The following SYT13 variants were observed in gnomAD, a reference collection of about 807,000 sequenced individuals.
SYT13 encodes synaptotagmin 13.
SYT13 carries 21 observed loss-of-function variants against 38.6 expected under a neutral mutation model. The ratio of observed to expected loss-of-function variants is 0.54; its 90% CI spans 0.39 to 0.78. The LOEUF (loss-of-function observed/expected upper bound fraction) is 0.78. Among genes scored for constraint, SYT13 ranks in the 30% least tolerant of loss-of-function variants. The pLI is 0.00. For synonymous variants in SYT13, 241 were observed against 237.6 expected (o/e 1.01, Z -0.13); for missense variants, 495 against 548.7 (o/e 0.90, Z 0.98).
At chr11:45,276,387 A>T (rs1425102094) in intron 1 of SYT13, among the ~76,000 whole-genome samples, 1 of 152,206 alleles carries the variant, frequency 6.6e-6, no homozygotes, top group African/African-American at 2.4e-5. Context: ...AACAATGAGA[A>T]CACATGGACA....
chr11:45,277,037 T>G (rs1403787636), intron 1 of SYT13, among the ~76,000 whole-genome samples: 1 of 152,190 alleles, frequency 6.6e-6, no homozygotes, highest in African/African-American at 2.4e-5. Context: ...CAAAATGCCA[T>G]GTACCCATAC....
At position 45,242,408 on chromosome 11, in the gene SYT13, A is replaced by G. The variant is rs1250160322; in HGVS notation, c.*1644T>C. The G allele has an allele frequency of 2.0e-5, 3 of 152,146 alleles. No individual in the cohort carries two copies. Among genetic ancestry groups the G allele is most frequent in the African/African-American group, 7.2e-5 (3 of 41,414 alleles). The allele number at this position is 152,146 out of a possible 1,614,324, so 9.4% of individuals were successfully genotyped here. On this transcript the variant is annotated 3_prime_UTR_variant, in exon 6 of 6. Coordinates refer to ENST00000020926, the MANE Select transcript of SYT13 (RefSeq NM_020826.3). ...ACATGGTGAAACCCCATCTCTACTA[A>G]AAGTACAAAAATTAGCCAGGCATGT...
rs1854586370 is a variant in SYT13, at chr11:45,244,139, G to A, written c.1194C>T (p.His398=). 1 of 1,613,676 alleles carries A rather than the reference G, an allele frequency of 6.2e-7. No homozygotes were observed. The highest frequency in any genetic ancestry group is 8.5e-7 in the Non-Finnish European group (1 of 1,180,010). ...AGTGGCTGCGCTCAGAGCCCGAGGT[G>A]TGCAGGCCCAGGCTGCAGTGGCCAA... is the stretch of plus-strand genomic sequence containing the variant. ...CALGHCSLGL[H]TSGSERSHWE... Residue 398 remains histidine, a synonymous_variant, in exon 6 of 6, where the codon CAC becomes CAT. Coordinates refer to ENST00000020926, the MANE Select transcript of SYT13 (RefSeq NM_020826.3).
At chr11:45,279,132 C>T (rs889287317) in intron 1 of SYT13, among the ~76,000 whole-genome samples, 3 of 152,320 alleles carry the variant, frequency 2.0e-5, no homozygotes, top group East Asian at 1.9e-4. Flanking sequence ...TCAACCTAGT[C>T]GTCAAAAGTG....
At chr11:45,253,871 A>G (rs79611479) in intron 3 of SYT13, 1,599 of 154,706 alleles carry the variant, frequency 0.01, 32 homozygotes, top group African/African-American at 0.036. Context: ...GCTACGGCCA[A>G]TGGGATGCAA....
rs547391566 is a variant in SYT13, at chr11:45,254,187, G to T, written c.544+83C>A. Reference sequence around the variant, plus strand: ...TCCTAATCCAGTGCTCTCTCCAGCTGCAGATGATCCCATCCTGCCTGCACA... The same window carrying T: ...TCCTAATCCAGTGCTCTCTCCAGCTTCAGATGATCCCATCCTGCCTGCACA... On this transcript the variant is annotated intron_variant, in intron 3 of 5. Coordinates refer to ENST00000020926, the MANE Select transcript of SYT13 (RefSeq NM_020826.3). 31 of 1,466,968 alleles carry T rather than the reference G, an allele frequency of 2.1e-5. No individual in the cohort carries two copies. The South Asian group carries it at 2.3e-4, about 11-fold the overall frequency. 90.9% of individuals were successfully genotyped at this position (1,466,968 alleles called of 1,614,324 possible). A position where few individuals can be genotyped will look rare whatever the true frequency, so the allele number is the denominator to read the frequency against.
chr11:45,285,275 G>A (rs1157293080), intron 1 of SYT13, among the ~76,000 whole-genome samples: 3 of 152,224 alleles, frequency 2.0e-5, no homozygotes, highest in Non-Finnish European at 4.4e-5. Context: ...GGGAGCACGG[G>A]CTATTTCCTG....
chr11:45,254,995 A>T (rs1854726597), intron 2 of SYT13, among the ~76,000 whole-genome samples: 1 of 152,074 alleles, frequency 6.6e-6, no homozygotes, highest in Non-Finnish European at 1.5e-5. Flanking sequence ...ATGCACCTGT[A>T]GTCCTAGGTA....
At chr11:45,275,038 T>C (rs1330145888) in intron 1 of SYT13, among the ~76,000 whole-genome samples, 1 of 152,134 alleles carries the variant, frequency 6.6e-6, no homozygotes, top group Non-Finnish European at 1.5e-5. Context: ...AAGGCAAGCA[T>C]AGAGATCCTT....
At chr11:45,273,822 T>C (rs1854978880) in intron 1 of SYT13, among the ~76,000 whole-genome samples, 1 of 152,262 alleles carries the variant, frequency 6.6e-6, no homozygotes, top group African/African-American at 2.4e-5. Flanking sequence ...ATACTGTTAA[T>C]GAATTTTTTC....
intron 4 of SYT13, among the ~76,000 whole-genome samples, chr11:45,247,514 A>C (rs1404282247): frequency 6.6e-6 from 1 of 152,062 alleles, no homozygotes; most frequent in Non-Finnish European, 1.5e-5. Context: ...CCTTCCCTCC[A>C]GCTTTGTCCC....
chr11:45,247,185 G>A (rs765787974), intron 4 of SYT13, among the ~76,000 whole-genome samples: 11 of 152,150 alleles, frequency 7.2e-5, no homozygotes, highest in African/African-American at 2.2e-4. Flanking sequence ...CCTGAAATTC[G>A]TACAGGAGTT....
At chr11:45,278,763 A>G (rs2086232555) in intron 1 of SYT13, among the ~76,000 whole-genome samples, 1 of 152,188 alleles carries the variant, frequency 6.6e-6, no homozygotes, top group Admixed American at 6.5e-5. Flanking sequence ...TGTCACTGGA[A>G]AAAAGACTGA....
At chr11:45,275,653 A>G (rs1012349815) in intron 1 of SYT13, among the ~76,000 whole-genome samples, 4 of 152,216 alleles carry the variant, frequency 2.6e-5, no homozygotes, top group African/African-American at 9.6e-5. Context: ...ATGAATTGGG[A>G]CTTATTGAAC....
chr11:45,259,721 G>T (rs1854793274), intron 1 of SYT13, among the ~76,000 whole-genome samples: 1 of 152,108 alleles, frequency 6.6e-6, no homozygotes, highest in Non-Finnish European at 1.5e-5. Context: ...ATTCCCAGGG[G>T]TTGGCACCAG....
intron 1 of SYT13, chr11:45,269,549 C>A (rs780878604): frequency 1.8e-6 from 2 of 1,090,914 alleles, no homozygotes; most frequent in Admixed American, 2.5e-5. Context: ...TTAATCTTCA[C>A]GCAACTATAG....
intron 1 of SYT13, among the ~76,000 whole-genome samples, chr11:45,283,301 C>T (rs1254294775): frequency 6.6e-6 from 1 of 152,188 alleles, no homozygotes; most frequent in African/African-American, 2.4e-5. Flanking sequence ...TAGTGAGTTA[C>T]AGAGACACTG....
chr11:45,240,720 G>A lies in SYT13; in HGVS notation c.*3332C>T, dbSNP rs550581397. The A allele has an allele frequency of 6.6e-6, 1 of 152,302 alleles. No individual in the cohort carries two copies. Among genetic ancestry groups the A allele is most frequent in the African/African-American group, 2.4e-5 (1 of 41,566 alleles). 9.4% of individuals were successfully genotyped at this position (152,302 alleles called of 1,614,324 possible). A position where few individuals can be genotyped will look rare whatever the true frequency, so the allele number is the denominator to read the frequency against. Reference sequence around the variant, plus strand: ...AAGAGGTGGAATCACAGATTAATGAGGGCAGACTCCCGATTTTCTATCCCC... The same window carrying A: ...AAGAGGTGGAATCACAGATTAATGAAGGCAGACTCCCGATTTTCTATCCCC... On this transcript the variant is annotated 3_prime_UTR_variant, in exon 6 of 6. Coordinates refer to ENST00000020926, the MANE Select transcript of SYT13 (RefSeq NM_020826.3).
At chr11:45,275,426 T>C (rs1854999247) in intron 1 of SYT13, among the ~76,000 whole-genome samples, 1 of 152,218 alleles carries the variant, frequency 6.6e-6, no homozygotes, top group African/African-American at 2.4e-5. Context: ...CCCTCATTAT[T>C]TGACTCTGAT....
Sources: allele counts gnomAD v4.1 joint callset (sites outside exome capture counted in the v4.1 genomes callset), GRCh38; gene constraint gnomAD v4.1.1; transcripts MANE v1.5; gene names NCBI Gene and HGNC (gene_info 2026-07-23, HGNC 2026-07-21).